GALNTL6: variants seen among roughly 807,000 people sequenced by gnomAD.
GALNTL6 encodes the protein polypeptide N-acetylgalactosaminyltransferase-like 6.
Under a neutral mutation model 73.7 loss-of-function variants are expected in GALNTL6, and 46 were observed. The ratio of observed to expected loss-of-function variants is 0.62; its 90% CI spans 0.49 to 0.80. GALNTL6 has a LOEUF of 0.80. Among genes scored for constraint, GALNTL6 ranks in the 30% least tolerant of loss-of-function variants. The pLI, the probability that GALNTL6 is intolerant of heterozygous loss-of-function variation, is 0.00. For synonymous variants in GALNTL6, 259 were observed against 263.7 expected (o/e 0.98, Z 0.17); for missense variants, 604 against 755.0 (o/e 0.80, Z 2.34).
intron 5 of GALNTL6, among the ~76,000 whole-genome samples, chr4:172,565,104 A>G (rs946081857): frequency 1.3e-5 from 2 of 152,178 alleles, no homozygotes; most frequent in African/African-American, 4.8e-5. Flanking sequence ...AGAAGGGGCA[A>G]GGCAATTCCT....
intron 5 of GALNTL6, among the ~76,000 whole-genome samples, chr4:172,433,305 A>G (rs1731523490): frequency 1.3e-5 from 2 of 152,154 alleles, no homozygotes; most frequent in Non-Finnish European, 1.5e-5. Flanking sequence ...TCTAAAGGGT[A>G]AATTGCCAAA....
intron 2 of GALNTL6, chr4:171,816,017 T>C (rs1230558216): frequency 1.3e-5 from 2 of 152,174 alleles, no homozygotes; most frequent in African/African-American, 4.8e-5. Context: ...GTTTGAAGTA[T>C]ATTCTGTTTT....
intron 5 of GALNTL6, among the ~76,000 whole-genome samples, chr4:172,477,229 TTAAA>T (rs1733270659): frequency 6.7e-6 from 1 of 149,606 alleles, no homozygotes; most frequent in South Asian, 2.1e-4. Flanking sequence ...TTATTAAATA[TTAAA>T]TAAATATTAT....
intron 2 of GALNTL6, among the ~76,000 whole-genome samples, chr4:171,824,051 T>C (rs1734755839): frequency 6.9e-6 from 1 of 144,194 alleles, no homozygotes; most frequent in Non-Finnish European, 1.5e-5. Context: ...ATTAAACTGC[T>C]CTTAAGTCCT....
chr4:172,472,656 A>G (rs1733093390), intron 5 of GALNTL6, among the ~76,000 whole-genome samples: 1 of 152,116 alleles, frequency 6.6e-6, no homozygotes, highest in East Asian at 1.9e-4. Context: ...TGGACACAGG[A>G]AGGAAGAGAA....
chr4:172,739,326 AC>A (rs1401058190), intron 5 of GALNTL6, among the ~76,000 whole-genome samples: 2 of 152,282 alleles, frequency 1.3e-5, no homozygotes, highest in East Asian at 1.9e-4. Context: ...GTTAGAACTC[AC>A]TGTGAAACCT....
chr4:172,177,832 C>CACATATATGTGTGTGTATATATACACAA (rs1361346392), intron 2 of GALNTL6, among the ~76,000 whole-genome samples: 1 of 70,516 alleles, frequency 1.4e-5, no homozygotes, highest in South Asian at 3.4e-4. Context: ...TATATACACA[C>CACATATATGTGTGTGTATATATACACAA]ACATATATAT....
intron 5 of GALNTL6, among the ~76,000 whole-genome samples, chr4:172,416,655 T>C (rs564841548): frequency 1.3e-5 from 2 of 152,300 alleles, no homozygotes; most frequent in East Asian, 3.9e-4. Context: ...CATATTAGAT[T>C]TAAATATATA....
At chr4:172,185,708 T>C (rs1033464003) in intron 2 of GALNTL6, among the ~76,000 whole-genome samples, 1 of 152,224 alleles carries the variant, frequency 6.6e-6, no homozygotes, top group Non-Finnish European at 1.5e-5. Flanking sequence ...GTATGTTAGC[T>C]AATTTCTAAG....
intron 2 of GALNTL6, among the ~76,000 whole-genome samples, chr4:171,969,786 T>G (rs978256581): frequency 1.9e-4 from 27 of 142,140 alleles, no homozygotes; most frequent in African/African-American, 7.0e-4. Context: ...TTTTTTTTCC[T>G]TGAGATGGAG....
chr4:172,921,981 A>T (rs1402069728), intron 8 of GALNTL6, among the ~76,000 whole-genome samples: 1 of 152,156 alleles, frequency 6.6e-6, no homozygotes, highest in Admixed American at 6.5e-5. Context: ...CTCAACTTGA[A>T]TTGTATCTCC....
chr4:172,157,956 T>C (rs1734335334), intron 2 of GALNTL6, among the ~76,000 whole-genome samples: 1 of 152,186 alleles, frequency 6.6e-6, no homozygotes, highest in African/African-American at 2.4e-5. Flanking sequence ...TAGTAAATGA[T>C]TCATGTTGCG....
chr4:171,914,370 A>G (rs1737555466), intron 2 of GALNTL6, among the ~76,000 whole-genome samples: 1 of 151,794 alleles, frequency 6.6e-6, no homozygotes, highest in African/African-American at 2.4e-5. Context: ...ACTTCAGTGC[A>G]TTTACAGGTT....
chr4:171,847,709 ACTCT>A (rs1057006599), intron 2 of GALNTL6, among the ~76,000 whole-genome samples: 1 of 151,956 alleles, frequency 6.6e-6, no homozygotes, highest in African/African-American at 2.4e-5. Context: ...CAAAAGAAAC[ACTCT>A]CTCTCTGCTC....
chr4:172,240,566 T>A (rs1737390568), intron 3 of GALNTL6, among the ~76,000 whole-genome samples: 1 of 152,150 alleles, frequency 6.6e-6, no homozygotes, highest in Non-Finnish European at 1.5e-5. Flanking sequence ...TTTAATTTAC[T>A]TTTGTCTGAC....
At chr4:172,074,894 T>C (rs1006957825) in intron 2 of GALNTL6, among the ~76,000 whole-genome samples, 1 of 152,218 alleles carries the variant, frequency 6.6e-6, no homozygotes. Context: ...TTTTAAAATA[T>C]GCTAAAGATT....
At chr4:172,865,737 C>T (rs187472947) in intron 7 of GALNTL6, among the ~76,000 whole-genome samples, 62 of 152,110 alleles carry the variant, frequency 4.1e-4, no homozygotes, top group Non-Finnish European at 3.2e-4. Flanking sequence ...GACTTTCCTC[C>T]TGTCTCTCTC....
intron 3 of GALNTL6, among the ~76,000 whole-genome samples, chr4:172,271,831 A>G (rs1738665643): frequency 1.3e-5 from 2 of 152,236 alleles, no homozygotes; most frequent in South Asian, 4.1e-4. Flanking sequence ...CTAAAGGGAA[A>G]ATGTAATAAA....
intron 3 of GALNTL6, among the ~76,000 whole-genome samples, chr4:172,289,710 C>A (rs1359857330): frequency 6.6e-6 from 1 of 152,170 alleles, no homozygotes; most frequent in Non-Finnish European, 1.5e-5. Context: ...CTATTTGATG[C>A]TGGCATGAGT....
Sources: allele counts gnomAD v4.1 joint callset (sites outside exome capture counted in the v4.1 genomes callset), GRCh38; gene constraint gnomAD v4.1.1; transcripts MANE v1.5; gene names NCBI Gene and HGNC (gene_info 2026-07-23, HGNC 2026-07-21).